Variants in ME3 observed in about 807,000 individuals in gnomAD.
ME3 encodes the protein NADP-dependent malic enzyme, mitochondrial.
A neutral mutation model predicts 68.9 loss-of-function variants in ME3; 48 were observed. That is an observed-to-expected ratio of 0.70 (90% CI 0.55 to 0.89). The LOEUF (loss-of-function observed/expected upper bound fraction) is 0.89, where lower values mean the gene tolerates loss of function less well. ME3 is among the 40% of genes least tolerant of loss of function. The probability of loss-of-function intolerance (pLI) is 0.00; values close to 1 mark genes in which losing one functional copy is unlikely to be tolerated. For synonymous variants in ME3, 320 were observed against 318.8 expected, an observed-to-expected ratio of 1.00 and a Z score of -0.04; for missense variants, 675 against 797.4, an observed-to-expected ratio of 0.85 and a Z score of 1.85.
intron 4 of ME3, among the ~76,000 whole-genome samples, chr11:86,518,264 C>T (rs1428373889): frequency 6.6e-6 from 1 of 152,180 alleles, no homozygotes; most frequent in Non-Finnish European, 1.5e-5. Context: ...TCTTTTCCTG[C>T]ATGTAGCCTA....
At chr11:86,529,161 A>G (rs1955007982) in intron 4 of ME3, among the ~76,000 whole-genome samples, 1 of 152,224 alleles carries the variant, frequency 6.6e-6, no homozygotes. Flanking sequence ...GCAATAAAAA[A>G]TGATAAAGGG....
At chr11:86,594,696 A>G (rs1044225446) in intron 2 of ME3, among the ~76,000 whole-genome samples, 1 of 145,800 alleles carries the variant, frequency 6.9e-6, no homozygotes, top group Non-Finnish European at 1.5e-5. Flanking sequence ...ATACAAAAAA[A>G]CACAAAAAAA....
intron 4 of ME3, among the ~76,000 whole-genome samples, chr11:86,528,328 G>C (rs574153374): frequency 2.6e-5 from 4 of 152,118 alleles, no homozygotes; most frequent in African/African-American, 9.7e-5. Context: ...TATATGCACT[G>C]AATACAGGAG....
intron 2 of ME3, among the ~76,000 whole-genome samples, chr11:86,567,581 G>C (rs4944593): frequency 0.62 from 93,866 of 152,094 alleles, 29,137 homozygotes; most frequent in Admixed American, 0.67. Context: ...TGGCTTTTCA[G>C]AACAGTCCAC....
At chr11:86,534,447 C>T (rs1312583232) in intron 4 of ME3, among the ~76,000 whole-genome samples, 1 of 152,040 alleles carries the variant, frequency 6.6e-6, no homozygotes, top group Non-Finnish European at 1.5e-5. Context: ...AGCTGAGGCT[C>T]ACAGATCACC....
intron 2 of ME3, among the ~76,000 whole-genome samples, chr11:86,622,306 T>C (rs888734726): frequency 6.6e-6 from 1 of 151,966 alleles, no homozygotes; most frequent in African/African-American, 2.4e-5. Flanking sequence ...TCCCTATCAA[T>C]GGGAGTCATT....
At chr11:86,490,537 C>G (rs1181098376) in intron 6 of ME3, among the ~76,000 whole-genome samples, 1 of 152,098 alleles carries the variant, frequency 6.6e-6, no homozygotes. Context: ...AATAGCTAGG[C>G]AGTAATTAAA....
intron 2 of ME3, among the ~76,000 whole-genome samples, chr11:86,578,472 C>T (rs758292919): frequency 8.5e-5 from 13 of 152,074 alleles, no homozygotes; most frequent in Non-Finnish European, 1.2e-4. Flanking sequence ...ATTCCTGGTG[C>T]GTGCGAATAA....
At chr11:86,490,426 A>G (rs1051298741) in intron 6 of ME3, among the ~76,000 whole-genome samples, 1 of 152,068 alleles carries the variant, frequency 6.6e-6, no homozygotes, top group Non-Finnish European at 1.5e-5. Flanking sequence ...CATGGTGCCT[A>G]CCCTTCCACA....
At chr11:86,476,552 G>C (rs1317138119) in intron 7 of ME3, among the ~76,000 whole-genome samples, 2 of 152,180 alleles carry the variant, frequency 1.3e-5, no homozygotes, top group African/African-American at 2.4e-5. Flanking sequence ...ACTTGAGGGG[G>C]TGACTGACTC....
At chr11:86,640,996 G>A (rs545290774) in intron 2 of ME3, among the ~76,000 whole-genome samples, 1 of 149,792 alleles carries the variant, frequency 6.7e-6, no homozygotes, top group East Asian at 2.1e-4. Flanking sequence ...AACAACTGGG[G>A]AGCAAGCTAA....
intron 4 of ME3, among the ~76,000 whole-genome samples, chr11:86,531,192 A>G (rs1230868620): frequency 1.3e-5 from 2 of 152,278 alleles, no homozygotes; most frequent in Non-Finnish European, 2.9e-5. Context: ...GGTGAAGGAT[A>G]TGAACAGACA....
intron 2 of ME3, among the ~76,000 whole-genome samples, chr11:86,631,709 A>T (rs1436462578): frequency 6.6e-6 from 1 of 152,196 alleles, no homozygotes; most frequent in Non-Finnish European, 1.5e-5. Flanking sequence ...TTGGAAGCCT[A>T]CGGGCTGCCA....
chr11:86,500,868 A>G (rs1430532729), intron 5 of ME3, among the ~76,000 whole-genome samples: 2 of 152,018 alleles, frequency 1.3e-5, no homozygotes, highest in East Asian at 3.9e-4. Context: ...CTTCCCCTGA[A>G]TTGCCATATC....
chr11:86,632,873 T>A (rs926780942), intron 2 of ME3, among the ~76,000 whole-genome samples: 4 of 152,172 alleles, frequency 2.6e-5, no homozygotes, highest in African/African-American at 9.7e-5. Context: ...CAGGGCTATA[T>A]GGACAGGAAA....
At chr11:86,489,959 C>T (rs1951902226) in intron 6 of ME3, among the ~76,000 whole-genome samples, 1 of 152,144 alleles carries the variant, frequency 6.6e-6, no homozygotes, top group Admixed American at 6.5e-5. Flanking sequence ...CTGCTTAAGA[C>T]CTTGGACTCG....
intron 2 of ME3, chr11:86,622,828 A>T (rs1048014256): frequency 1.3e-5 from 2 of 151,872 alleles, no homozygotes; most frequent in Non-Finnish European, 2.9e-5. Context: ...TTGTCTTTGA[A>T]GTTTTCACCT....
chr11:86,560,748 G>GTATATATATATATATATATATATATA (rs142056305), intron 2 of ME3, among the ~76,000 whole-genome samples: 24 of 62,500 alleles, frequency 3.8e-4, no homozygotes, highest in African/African-American at 1.1e-3. Flanking sequence ...GTGTGTGTGT[G>GTATATATATATATATATATATATATA]TATATATATA....
chr11:86,502,244 C>T lies in ME3; in HGVS notation c.544-4120G>A, dbSNP rs372508458. On this transcript the variant is annotated intron_variant, in intron 5 of 14. Transcript: ENST00000543262. The stretch of plus-strand genomic sequence containing the variant: ...AAGGAACAGTTCAAAAAGCATTTCC[C>T]TCCAGGAAGCTTCCCTTCTGAATTT... 2.0e-5 allele frequency among the ~76,000 whole-genome samples: 3 copies of T among 152,346 alleles called. No individual in the cohort carries two copies. In the South Asian group the frequency reaches 6.2e-4, roughly 32 times the overall value.
Sources: allele counts gnomAD v4.1 joint callset (sites outside exome capture counted in the v4.1 genomes callset), GRCh38; gene constraint gnomAD v4.1.1; transcripts MANE v1.5; gene names NCBI Gene and HGNC (gene_info 2026-07-23, HGNC 2026-07-21).